The following HCN1 variants were observed in gnomAD, a reference collection of about 807,000 sequenced individuals.
The protein encoded by HCN1 is potassium/sodium hyperpolarization-activated cyclic nucleotide-gated channel 1.
In HCN1, 13 loss-of-function variants were observed where a neutral mutation model predicts 78.9. The observed-to-expected ratio is 0.16, with a 90% CI of 0.11 to 0.26. The LOEUF (loss-of-function observed/expected upper bound fraction) is 0.26. Among genes scored for constraint, HCN1 ranks in the 10% least tolerant of loss-of-function variants. HCN1 has a pLI of 1.00. For synonymous variants in HCN1, 552 were observed against 455.5 expected (o/e 1.21, Z -2.70); for missense variants, 810 against 1,154.3 (o/e 0.70, Z 4.32).
chr5:45,488,321 C>T (rs1187825145), intron 2 of HCN1, among the ~76,000 whole-genome samples: 1 of 151,984 alleles, frequency 6.6e-6, no homozygotes, highest in Non-Finnish European at 1.5e-5. Context: ...ATATAAACTT[C>T]AGAAGAATGG....
chr5:45,609,951 T>A (rs1401942500), intron 2 of HCN1, among the ~76,000 whole-genome samples: 1 of 152,120 alleles, frequency 6.6e-6, no homozygotes, highest in African/African-American at 2.4e-5. Flanking sequence ...TGGCATTAGA[T>A]GTCAGCAAAA....
At chr5:45,352,068 G>C (rs1746916126) in intron 5 of HCN1, among the ~76,000 whole-genome samples, 1 of 152,080 alleles carries the variant, frequency 6.6e-6, no homozygotes, top group Non-Finnish European at 1.5e-5. Context: ...CATAAAGACA[G>C]ATGCACACGT....
At chr5:45,592,346 G>A (rs1335883692) in intron 2 of HCN1, among the ~76,000 whole-genome samples, 1 of 151,960 alleles carries the variant, frequency 6.6e-6, no homozygotes, top group Non-Finnish European at 1.5e-5. Flanking sequence ...AAGATATTTG[G>A]AGAATGAGAC....
chr5:45,593,695 G>T (rs1744432894), intron 2 of HCN1, among the ~76,000 whole-genome samples: 1 of 150,254 alleles, frequency 6.7e-6, no homozygotes, highest in African/African-American at 2.5e-5. Context: ...TTTATTTAAA[G>T]ACAGAGTCTT....
chr5:45,295,041 G>T (rs1344304638), intron 6 of HCN1, among the ~76,000 whole-genome samples: 1 of 151,988 alleles, frequency 6.6e-6, no homozygotes, highest in Non-Finnish European at 1.5e-5. Context: ...CAGGAGTCCA[G>T]ACACTCCTTT....
At chr5:45,299,969 T>A (rs936955327) in intron 6 of HCN1, among the ~76,000 whole-genome samples, 4 of 151,974 alleles carry the variant, frequency 2.6e-5, no homozygotes, top group Admixed American at 2.0e-4. Flanking sequence ...TCAGAAATGA[T>A]CTTATGGTTT....
At chr5:45,376,173 A>T (rs1747651222) in intron 4 of HCN1, among the ~76,000 whole-genome samples, 1 of 13,356 alleles carries the variant, frequency 7.5e-5, no homozygotes. Context: ...TATAATATAT[A>T]ATATATTACA....
chr5:45,310,394 G>T (rs754756754), intron 5 of HCN1, among the ~76,000 whole-genome samples: 2 of 152,030 alleles, frequency 1.3e-5, no homozygotes, highest in South Asian at 4.1e-4. Flanking sequence ...CATACATGTG[G>T]CCAACAAGCA....
chr5:45,672,520 A>G (rs80142970), intron 1 of HCN1, among the ~76,000 whole-genome samples: 2,114 of 151,356 alleles, frequency 0.014, 51 homozygotes, highest in African/African-American at 0.048. Context: ...TTTGCAATAA[A>G]GGAACTGAAT....
intron 2 of HCN1, among the ~76,000 whole-genome samples, chr5:45,584,197 A>G (rs1326874653): frequency 1.3e-5 from 2 of 152,112 alleles, no homozygotes; most frequent in Non-Finnish European, 2.9e-5. Flanking sequence ...GACTTGCTTT[A>G]TGAATCTGGG....
chr5:45,536,155 G>T (rs991573643), intron 2 of HCN1, among the ~76,000 whole-genome samples: 9 of 152,084 alleles, frequency 5.9e-5, no homozygotes, highest in African/African-American at 2.2e-4. Context: ...TGACTATGAT[G>T]TGTCTATATA....
At chr5:45,512,920 C>A (rs953918110) in intron 2 of HCN1, among the ~76,000 whole-genome samples, 2 of 152,118 alleles carry the variant, frequency 1.3e-5, no homozygotes, top group East Asian at 3.9e-4. Flanking sequence ...AGAAAAAAAT[C>A]TTTATTTATC....
intron 3 of HCN1, among the ~76,000 whole-genome samples, chr5:45,438,117 T>C (rs999715093): frequency 6.6e-6 from 1 of 152,276 alleles, no homozygotes; most frequent in African/African-American, 2.4e-5. Flanking sequence ...TGGCACTATG[T>C]AAGAGGGAAT....
At chr5:45,471,854 A>G (rs1741396096) in intron 2 of HCN1, among the ~76,000 whole-genome samples, 1 of 151,962 alleles carries the variant, frequency 6.6e-6, no homozygotes, top group Admixed American at 6.6e-5. Context: ...TAATTAATAA[A>G]TTGATTTGTG....
At chr5:45,325,746 C>A (rs1156457111) in intron 5 of HCN1, among the ~76,000 whole-genome samples, 4 of 151,614 alleles carry the variant, frequency 2.6e-5, no homozygotes, top group Admixed American at 2.0e-4. Context: ...CAAGGGTTGA[C>A]TAGTAAGTTC....
intron 2 of HCN1, among the ~76,000 whole-genome samples, chr5:45,509,277 A>T (rs1329018559): frequency 6.6e-6 from 1 of 152,158 alleles, no homozygotes; most frequent in Non-Finnish European, 1.5e-5. Flanking sequence ...TTGTTGTGCC[A>T]GGGAGTTAGA....
intron 6 of HCN1, among the ~76,000 whole-genome samples, chr5:45,286,934 T>C (rs1372981859): frequency 6.6e-6 from 1 of 151,926 alleles, no homozygotes; most frequent in East Asian, 1.9e-4. Context: ...CTGTTCTGAC[T>C]GACAATTTTA....
At chr5:45,418,272 T>C (rs1027627254) in intron 3 of HCN1, among the ~76,000 whole-genome samples, 3 of 151,712 alleles carry the variant, frequency 2.0e-5, no homozygotes, top group South Asian at 2.1e-4. Flanking sequence ...AACATATTCA[T>C]TAAACTATAT....
At chr5:45,646,556 T>A (rs1394543984) in intron 1 of HCN1, among the ~76,000 whole-genome samples, 1 of 151,768 alleles carries the variant, frequency 6.6e-6, no homozygotes, top group Non-Finnish European at 1.5e-5. Context: ...TCTTTAACAT[T>A]TCTAATTTAA....
Sources: allele counts gnomAD v4.1 joint callset (sites outside exome capture counted in the v4.1 genomes callset), GRCh38; gene constraint gnomAD v4.1.1; transcripts MANE v1.5; gene names NCBI Gene and HGNC (gene_info 2026-07-23, HGNC 2026-07-21).